Variants in ODF2L observed in about 807,000 individuals in gnomAD.
The protein encoded by ODF2L is outer dense fiber of sperm tails 2 like, also known as protein BCAP.
In ODF2L, 76 loss-of-function variants were observed where a neutral mutation model predicts 86.3. That is an observed-to-expected ratio of 0.88 (90% CI 0.73 to 1.07). The LOEUF is 1.07. ODF2L is among the 50% of genes least tolerant of loss of function. ODF2L has a pLI of 0.00. For synonymous variants in ODF2L, 241 were observed against 231.3 expected, an observed-to-expected ratio of 1.04 and a Z score of -0.38; for missense variants, 748 against 717.4, an observed-to-expected ratio of 1.04 and a Z score of -0.49.
chr1:86,347,427 G>C (rs954981763), downstream of ODF2L: 13 of 152,166 alleles, frequency 8.5e-5, no homozygotes, highest in Non-Finnish European at 1.5e-4. Context: ...CAAGGGTCAA[G>C]CATGTTTTTA....
intron 11 of ODF2L, among the ~76,000 whole-genome samples, chr1:86,364,624 T>A (rs1455402923): frequency 6.6e-6 from 1 of 152,086 alleles, no homozygotes; most frequent in Non-Finnish European, 1.5e-5. Flanking sequence ...CATATGGGAA[T>A]TTTGGGGAGG....
intron 11 of ODF2L, among the ~76,000 whole-genome samples, chr1:86,364,862 C>T: frequency 6.6e-6 from 1 of 152,162 alleles, no homozygotes. Context: ...AAACATACAT[C>T]TCTATCTTAC....
At chr1:86,356,581 G>A in exon 14 of ODF2L, 2 of 1,613,806 alleles carry the variant, frequency 1.2e-6, no homozygotes, top group Non-Finnish European at 1.7e-6. Context: ...TCCTTCAGAT[G>A]AGACTCCATC....
downstream of ODF2L, chr1:86,349,005 C>T (rs272491): frequency 0.31 from 305,651 of 976,528 alleles, 49,624 homozygotes; most frequent in African/African-American, 0.48. Flanking sequence ...AAATAATACT[C>T]ACATCTGATG....
At chr1:86,370,798 G>T (rs1459255840) in intron 10 of ODF2L, among the ~76,000 whole-genome samples, 2 of 152,106 alleles carry the variant, frequency 1.3e-5, no homozygotes, top group African/African-American at 4.8e-5. Context: ...TCATTTAACT[G>T]CAAAAATGCA....
intron 14 of ODF2L, chr1:86,355,166 T>C (rs1226653293): frequency 3.7e-6 from 2 of 542,128 alleles, no homozygotes; most frequent in Non-Finnish European, 6.6e-6. Flanking sequence ...TAAGTTGAAA[T>C]AGGAAAATTT....
intron 1 of ODF2L, among the ~76,000 whole-genome samples, chr1:86,391,693 TTAAATCTAAGACCTGAAACTATA>T (rs778774156): frequency 4.0e-4 from 61 of 152,266 alleles, no homozygotes; most frequent in Admixed American, 5.9e-4. Flanking sequence ...GATCAAAGAC[TTAAATCTAAGACCTGAAACTATA>T]TAAATCTAAG....
exon 7 of ODF2L, chr1:86,382,332 A>G (rs764015923): frequency 4.3e-6 from 7 of 1,611,814 alleles, no homozygotes; most frequent in Admixed American, 3.3e-5. Flanking sequence ...CTGATTGGGA[A>G]AAACGGTTTG....
chr1:86,368,808 C>A, intron 10 of ODF2L: 2 of 1,143,520 alleles, frequency 1.7e-6, no homozygotes, highest in South Asian at 3.6e-5. Flanking sequence ...TTGGGAATAA[C>A]CTGAATGTCC....
intron 6 of ODF2L, among the ~76,000 whole-genome samples, 185 bp from the exon 7 acceptor site, chr1:86,382,543 A>C (rs114217957): frequency 0.017 from 2,607 of 152,144 alleles, 57 homozygotes; most frequent in African/African-American, 0.054. Context: ...GCTAAGTTTT[A>C]TCCCCCAACA....
chr1:86,386,586 C>T, intron 2 of ODF2L: 1 of 225,704 alleles, frequency 4.4e-6, no homozygotes, highest in Non-Finnish European at 8.5e-6. Flanking sequence ...TGGGGTTTCA[C>T]CATGTTGGCC....
At chr1:86,358,840 A>C (rs1161616536) in exon 13 of ODF2L, 5 of 1,551,772 alleles carry the variant, frequency 3.2e-6, no homozygotes, top group Non-Finnish European at 4.4e-6. Flanking sequence ...TTATGTAGCA[A>C]ATTTTCACAT....
At chr1:86,353,125 A>C in intron 16 of ODF2L, 141 bp from the exon 16 acceptor site, 1 of 600,698 alleles carries the variant, frequency 1.7e-6, no homozygotes, top group Non-Finnish European at 2.9e-6. Flanking sequence ...TATCTTGAAG[A>C]AGCATATATA....
chr1:86,392,500 C>T (rs185213968), intron 1 of ODF2L, among the ~76,000 whole-genome samples: 85 of 152,164 alleles, frequency 5.6e-4, no homozygotes, highest in Non-Finnish European at 1.1e-3. Context: ...AATAAATTAA[C>T]GGCATTCACA....
intron 11 of ODF2L, among the ~76,000 whole-genome samples, chr1:86,361,424 C>T (rs908207603): frequency 6.6e-6 from 1 of 152,176 alleles, no homozygotes; most frequent in East Asian, 1.9e-4. Flanking sequence ...AAGGGAGACA[C>T]GGTTACCATA....
rs368726280 is a variant in ODF2L at position 86,384,812 on chromosome 1, A to T, written c.247-11T>A. The stretch of plus-strand genomic sequence containing the variant: ...TGCAGAAAGATTCGCCTGACAAATT[A>T]TAAGAACCACATACACATTTTAAGA... On this transcript the variant is annotated splice_polypyrimidine_tract_variant and intron_variant, in intron 3 of 17. Coordinates refer to ENST00000317336, the Ensembl canonical transcript of ODF2L. 86 of 1,481,034 alleles carry T rather than the reference A, an allele frequency of 5.8e-5. No homozygotes were observed. Among genetic ancestry groups the T allele is most frequent in the Non-Finnish European group, 7.5e-5 (84 of 1,118,866 alleles). The allele number at this position is 1,481,034 out of a possible 1,614,324, so 91.7% of individuals were successfully genotyped here. A position where few individuals can be genotyped will look rare whatever the true frequency, so the allele number is the denominator to read the frequency against.
chr1:86,381,590 G>C (rs1390792332), intron 7 of ODF2L, among the ~76,000 whole-genome samples: 1 of 151,780 alleles, frequency 6.6e-6, no homozygotes, highest in Non-Finnish European at 1.5e-5. Flanking sequence ...CTCAAGGTGG[G>C]AATATTGCTT....
At chr1:86,370,394 T>C (rs1200399190) in intron 10 of ODF2L, among the ~76,000 whole-genome samples, 1 of 152,154 alleles carries the variant, frequency 6.6e-6, no homozygotes, top group Non-Finnish European at 1.5e-5. Context: ...GCTACTAATA[T>C]ATTATTTATC....
intron 10 of ODF2L, among the ~76,000 whole-genome samples, chr1:86,370,478 T>G (rs547689577): frequency 1.3e-5 from 2 of 152,300 alleles, no homozygotes; most frequent in Admixed American, 1.3e-4. Context: ...TCTAAAAGTA[T>G]TATTATGGAA....
Sources: allele counts gnomAD v4.1 joint callset (sites outside exome capture counted in the v4.1 genomes callset), GRCh38; gene constraint gnomAD v4.1.1; transcripts MANE v1.5; gene names NCBI Gene and HGNC (gene_info 2026-07-23, HGNC 2026-07-21).